The following NAE1 variants were observed in gnomAD, a reference collection of about 807,000 sequenced individuals.
NAE1 encodes the protein NEDD8-activating enzyme E1 regulatory subunit.
NAE1 carries 59 observed loss-of-function variants against 88.0 expected under a neutral mutation model. The observed-to-expected ratio is 0.67, with a 90% CI of 0.54 to 0.83. The LOEUF is 0.83. Ranked by LOEUF, NAE1 falls within the 40% of genes least tolerant of loss-of-function variation. NAE1 has a pLI of 0.00. For synonymous variants in NAE1, 186 were observed against 208.9 expected (o/e 0.89, Z 0.95); for missense variants, 554 against 632.8 (o/e 0.88, Z 1.34).
At chr16:66,816,702 G>A in intron 10 of NAE1, 30 bp from the exon 11 acceptor site, 1 of 1,510,838 alleles carries the variant, frequency 6.6e-7, no homozygotes, top group Non-Finnish European at 9.2e-7. Context: ...TTAGCAAACA[G>A]CCCTTTTCTT....
intron 17 of NAE1, 149 bp downstream of exon 17, chr16:66,808,372 G>A (rs1331958251): frequency 2.1e-5 from 12 of 580,200 alleles, no homozygotes; most frequent in Non-Finnish European, 3.6e-5. Context: ...AAAAACAAAA[G>A]GTGGTTCTTC....
chr16:66,828,003 C>T (rs1250402075), intron 1 of NAE1: 3 of 1,613,794 alleles, frequency 1.9e-6, no homozygotes, highest in Admixed American at 3.3e-5. Flanking sequence ...TTTTTGTTTG[C>T]TGAGCATCCA....
chr16:66,816,704 C>A (rs767597186), intron 10 of NAE1, 32 bp from the exon 11 acceptor site: 1 of 1,504,188 alleles, frequency 6.6e-7, no homozygotes, highest in South Asian at 1.2e-5. Flanking sequence ...AGCAAACAGC[C>A]CTTTTCTTTT....
chr16:66,812,396 C>G (rs951789144), intron 13 of NAE1, among the ~76,000 whole-genome samples: 7 of 151,280 alleles, frequency 4.6e-5, no homozygotes, highest in Non-Finnish European at 1.0e-4. Flanking sequence ...GTTAAGGGAT[C>G]AAATATTAAG....
chr16:66,807,490 AT>A (rs1199155351), intron 17 of NAE1, among the ~76,000 whole-genome samples: 1 of 152,030 alleles, frequency 6.6e-6, no homozygotes, highest in African/African-American at 2.4e-5. Context: ...AAATACAAAA[AT>A]TAGCTGGGCG....
At chr16:66,817,075 T>C (rs997042753) in intron 9 of NAE1, 47 bp from the exon 10 acceptor site, 1 of 1,558,870 alleles carries the variant, frequency 6.4e-7, no homozygotes. Context: ...AAATTCAAAA[T>C]ACAGAAATTG....
At chr16:66,828,885 G>A (rs1271997832) in intron 1 of NAE1, among the ~76,000 whole-genome samples, 1 of 151,814 alleles carries the variant, frequency 6.6e-6, no homozygotes, top group Non-Finnish European at 1.5e-5. Context: ...TGAGGCAGGA[G>A]GATCGTTAGA....
intron 1 of NAE1, 55 bp downstream of exon 1, chr16:66,830,792 C>G: frequency 6.7e-7 from 1 of 1,488,152 alleles, no homozygotes; most frequent in South Asian, 1.2e-5. Flanking sequence ...TTAGGCCCGG[C>G]CCGAATGCTG....
rs1305376654 is a variant in NAE1 at position 66,817,465 on chromosome 16, A to G, written c.644T>C (p.Ile215Thr). ...EKKDHSHTPWIVIIAKYLAQW... is the reference protein window; with the variant it reads ...EKKDHSHTPWTVIIAKYLAQW... ...TGCTAAATATTTAGCTATGATCACA[A>G]TCCATGGAGTATGACTGTGGTCCTA... is the stretch of plus-strand genomic sequence containing the variant. Residue 215 changes from isoleucine (I) to threonine (T), a missense_variant, in exon 9 of 20, where the codon ATT becomes ACT. Coordinates refer to ENST00000290810, the MANE Select transcript of NAE1 (RefSeq NM_003905.4). 5.6e-6 allele frequency: 9 copies of G among 1,599,318 alleles called. No individual in the cohort carries two copies. Among genetic ancestry groups the G allele is most frequent in the Non-Finnish European group, 6.8e-6 (8 of 1,174,190 alleles).
rs961741210 is a variant in NAE1, at chr16:66,822,368, T to C, written c.402-809A>G. On this transcript the variant is annotated intron_variant, in intron 6 of 19. Coordinates refer to ENST00000290810, the MANE Select transcript of NAE1 (RefSeq NM_003905.4). ...GGCAGATGACTTGGGGCCAGGAGTT[T>C]GAGATCAGCCTGGCCAACATGGTGA... 7.2e-5 allele frequency among the ~76,000 whole-genome samples: 11 copies of C among 152,226 alleles called. No homozygotes were observed. In the South Asian group the frequency reaches 1.7e-3, roughly 23 times the overall value.
At chr16:66,825,836 T>C (rs1960443660) in intron 3 of NAE1, among the ~76,000 whole-genome samples, 1 of 152,166 alleles carries the variant, frequency 6.6e-6, no homozygotes, top group Non-Finnish European at 1.5e-5. Context: ...TTTTATCACT[T>C]TCTACTCTAA....
intron 19 of NAE1, 29 bp downstream of exon 19, chr16:66,805,748 A>G: frequency 1.4e-6 from 2 of 1,438,216 alleles, no homozygotes; most frequent in Non-Finnish European, 1.8e-6. Flanking sequence ...ATGTAACAAC[A>G]GGTGAGTCTT....
intron 1 of NAE1, among the ~76,000 whole-genome samples, chr16:66,829,299 A>G (rs2145360755): frequency 6.6e-6 from 1 of 152,330 alleles, no homozygotes; most frequent in South Asian, 2.1e-4. Flanking sequence ...TAGAAACACA[A>G]GAACTCCAAG....
chr16:66,829,433 G>T (rs1472555470), intron 1 of NAE1, among the ~76,000 whole-genome samples: 1 of 152,134 alleles, frequency 6.6e-6, no homozygotes, highest in Non-Finnish European at 1.5e-5. Flanking sequence ...TTACATCCTG[G>T]CTCAAAGATA....
In NAE1 at chr16:66,803,485, G is replaced by A. The variant is rs371327166; in HGVS notation, c.1496-367C>T. On this transcript the variant is annotated intron_variant, in intron 19 of 19. Coordinates refer to ENST00000290810, the MANE Select transcript of NAE1 (RefSeq NM_003905.4). ...TTAGGAAGGATCTATATTAAATATCGCCAGACCGCTATATTTACTCAAAAC... is the reference window on the plus strand; with the variant it reads ...TTAGGAAGGATCTATATTAAATATCACCAGACCGCTATATTTACTCAAAAC... Among the ~76,000 whole-genome samples the A allele has an allele frequency of 1.4e-4, 22 of 152,032 alleles. 1 individual carries two copies. The highest frequency in any genetic ancestry group is 1.2e-3 in the South Asian group (6 of 4,826).
chr16:66,818,476 A>G, intron 8 of NAE1, 52 bp downstream of exon 8: 1 of 1,404,016 alleles, frequency 7.1e-7, no homozygotes, highest in East Asian at 2.4e-5. Flanking sequence ...ACCTTAGGTT[A>G]AAAAAATGTT....
intron 13 of NAE1, among the ~76,000 whole-genome samples, chr16:66,812,914 C>T (rs183928675): frequency 0.011 from 1,724 of 151,450 alleles, 44 homozygotes; most frequent in African/African-American, 0.04. Context: ...GCTCCGCCTC[C>T]CGGGTTCACG....
chr16:66,807,644 GAAAA>G lies in NAE1; in HGVS notation c.1330+873_1330+876del, dbSNP rs397932750. Among the ~76,000 whole-genome samples the G allele has an allele frequency of 3.4e-4, 47 of 139,794 alleles. 1 individual carries two copies. The South Asian group carries it at 0.01, about 31-fold the overall frequency. 91.7% of individuals were successfully genotyped at this position (139,794 alleles called of 152,430 possible). A position where few individuals can be genotyped will look rare whatever the true frequency, so the allele number is the denominator to read the frequency against. On this transcript the variant is annotated intron_variant, in intron 17 of 19. Transcript: ENST00000290810. ...GACAGAGCGAGACTCCGTCTCAAAA[GAAAA>G]AAAAAAAAGACTATAAACTCTGGAG...
intron 13 of NAE1, among the ~76,000 whole-genome samples, chr16:66,812,307 GTCTCTC>G (rs139236417): frequency 6.6e-6 from 1 of 151,414 alleles, no homozygotes; most frequent in Non-Finnish European, 1.5e-5. Context: ...GCCGGTAACA[GTCTCTC>G]TCTCTCTCAT....
Sources: allele counts gnomAD v4.1 joint callset (sites outside exome capture counted in the v4.1 genomes callset), GRCh38; gene constraint gnomAD v4.1.1; transcripts MANE v1.5; gene names NCBI Gene and HGNC (gene_info 2026-07-23, HGNC 2026-07-21).